Variants in CNBD1 observed in about 807,000 individuals in gnomAD.
CNBD1 encodes cyclic nucleotide binding domain containing 1.
A neutral mutation model predicts 54.4 loss-of-function variants in CNBD1; 71 were observed. That is an observed-to-expected ratio of 1.30 (90% confidence interval 1.08 to 1.59). The LOEUF (loss-of-function observed/expected upper bound fraction) is 1.59, where lower values mean the gene tolerates loss of function less well. CNBD1 is among the 40% of genes most tolerant of loss of function. The pLI is 0.00. For missense variants in CNBD1, 659 were observed against 518.0 expected (o/e 1.27, Z -2.64); for synonymous variants, 182 against 170.7 (o/e 1.07, Z -0.51).
intron 4 of CNBD1, among the ~76,000 whole-genome samples, chr8:87,053,221 T>C (rs914303152): frequency 1.3e-5 from 2 of 152,192 alleles, no homozygotes; most frequent in Non-Finnish European, 2.9e-5. Flanking sequence ...CATAGGGAAC[T>C]TTGAATCATT....
intron 3 of CNBD1, among the ~76,000 whole-genome samples, chr8:86,917,499 T>G (rs1310732408): frequency 6.6e-6 from 1 of 152,146 alleles, no homozygotes; most frequent in Admixed American, 6.5e-5. Flanking sequence ...GTGTCTAGCT[T>G]GCACTGAGGG....
chr8:87,174,884 G>A (rs1444555968), intron 4 of CNBD1, among the ~76,000 whole-genome samples: 2 of 152,168 alleles, frequency 1.3e-5, no homozygotes, highest in African/African-American at 4.8e-5. Context: ...GGATTCCCAG[G>A]CAGACTCTTG....
intron 2 of CNBD1, among the ~76,000 whole-genome samples, chr8:87,404,313 T>C (rs1357783156): frequency 6.6e-6 from 1 of 152,090 alleles, no homozygotes; most frequent in Admixed American, 6.6e-5. Context: ...CAAAAGTGAT[T>C]GGTCATCACT....
intron 4 of CNBD1, among the ~76,000 whole-genome samples, chr8:86,994,148 C>T (rs1441841851): frequency 6.6e-6 from 1 of 152,238 alleles, no homozygotes; most frequent in Non-Finnish European, 1.5e-5. Flanking sequence ...AATCTTTGCT[C>T]AGCATTCCCA....
intron 4 of CNBD1, among the ~76,000 whole-genome samples, chr8:86,960,594 G>T (rs547188062): frequency 6.6e-6 from 1 of 152,298 alleles, no homozygotes; most frequent in East Asian, 1.9e-4. Flanking sequence ...AGAAACTTCT[G>T]CAGACTTAAA....
intron 8 of CNBD1, among the ~76,000 whole-genome samples, chr8:87,345,637 A>C (rs1246604727): frequency 6.6e-6 from 1 of 152,224 alleles, no homozygotes; most frequent in East Asian, 1.9e-4. Flanking sequence ...GAGAAGTATC[A>C]CTTAAATGGT....
At chr8:87,238,765 T>C (rs762540781) in intron 6 of CNBD1, among the ~76,000 whole-genome samples, 21 of 152,262 alleles carry the variant, frequency 1.4e-4, no homozygotes, top group South Asian at 2.1e-4. Context: ...TTCTGCCCTC[T>C]AACTGTTGAA....
chr8:87,352,980 T>A (rs907116365), intron 9 of CNBD1, among the ~76,000 whole-genome samples: 1 of 152,146 alleles, frequency 6.6e-6, no homozygotes, highest in Non-Finnish European at 1.5e-5. Flanking sequence ...CTTTTATATA[T>A]CTTAGTGGTC....
At chr8:87,293,945 AG>A (rs1349997161) in intron 8 of CNBD1, among the ~76,000 whole-genome samples, 1 of 152,238 alleles carries the variant, frequency 6.6e-6, no homozygotes, top group Non-Finnish European at 1.5e-5. Context: ...TTGGGAGATC[AG>A]TCAGACTTTC....
In CNBD1 at chr8:87,229,248, T is replaced by C. The variant is rs533558740; in HGVS notation, c.578-7671T>C. Among the ~76,000 whole-genome samples, 87 of 152,170 alleles carry C rather than the reference T, an allele frequency of 5.7e-4. 1 individual carries two copies. The highest frequency in any genetic ancestry group is 1.8e-3 in the African/African-American group (74 of 41,532). On this transcript the variant is annotated intron_variant, in intron 5 of 10. Coordinates refer to ENST00000518476, the MANE Select transcript of CNBD1 (RefSeq NM_173538.3). ...GCTGGGAGCTGTAGACCGCAGCTGT[T>C]CCTATTCGGCCATCTTGGCTCCTCC...
intron 6 of CNBD1, among the ~76,000 whole-genome samples, chr8:87,281,158 A>G (rs752820834): frequency 4.6e-5 from 7 of 151,666 alleles, no homozygotes; most frequent in Non-Finnish European, 8.9e-5. Context: ...TATTTTATGT[A>G]TATTTTTAAA....
At chr8:87,418,246 G>T (rs188468502) in intron 2 of CNBD1, among the ~76,000 whole-genome samples, 5 of 151,962 alleles carry the variant, frequency 3.3e-5, no homozygotes, top group Middle Eastern at 3.4e-3. Context: ...CACATTTATG[G>T]TCAATTGATT....
intron 4 of CNBD1, among the ~76,000 whole-genome samples, chr8:86,940,284 A>C (rs1385043884): frequency 1.3e-5 from 2 of 151,916 alleles, no homozygotes; most frequent in Non-Finnish European, 2.9e-5. Context: ...CTCCTGCCTC[A>C]GCCCCCCAAG....
intron 1 of CNBD1, among the ~76,000 whole-genome samples, chr8:86,873,059 C>T (rs1048188721): frequency 1.3e-5 from 2 of 151,638 alleles, no homozygotes; most frequent in African/African-American, 4.8e-5. Flanking sequence ...GCCTGAGCAA[C>T]AGCACAAGGC....
At chr8:87,291,654 G>A (rs1179097440) in intron 8 of CNBD1, among the ~76,000 whole-genome samples, 1 of 151,974 alleles carries the variant, frequency 6.6e-6, no homozygotes, top group Admixed American at 6.6e-5. Context: ...ATTTTTTGGG[G>A]TGAGGGGGCA....
intron 4 of CNBD1, among the ~76,000 whole-genome samples, chr8:87,023,289 GT>G (rs34796599): frequency 0.71 from 108,111 of 152,062 alleles, 39,061 homozygotes; most frequent in African/African-American, 0.82. Flanking sequence ...ATGGAACACA[GT>G]TAACAAGTTA....
chr8:87,108,088 G>A (rs1811579366), intron 4 of CNBD1, among the ~76,000 whole-genome samples: 1 of 152,012 alleles, frequency 6.6e-6, no homozygotes, highest in Admixed American at 6.6e-5. Flanking sequence ...CTCCATTAAT[G>A]ACATGATAGT....
chr8:87,125,354 G>A (rs1207592695), intron 4 of CNBD1, among the ~76,000 whole-genome samples: 1 of 151,686 alleles, frequency 6.6e-6, no homozygotes, highest in Non-Finnish European at 1.5e-5. Flanking sequence ...CAAAGTGGAG[G>A]CATCACACTT....
In CNBD1 at chr8:87,051,991, C is replaced by T. The variant is rs1810320308; in HGVS notation, c.431+112237C>T. On this transcript the variant is annotated intron_variant, in intron 4 of 10. Coordinates refer to ENST00000518476, the MANE Select transcript of CNBD1 (RefSeq NM_173538.3). ...CAGGGACAGTCCAACCTCCAGTGGT[C>T]CCCACCACAAGCTAGATAGGGTCAA... Among the ~76,000 whole-genome samples the T allele has an allele frequency of 2.0e-5, 3 of 152,168 alleles. No homozygotes were observed. The South Asian group carries it at 6.2e-4, about 32-fold the overall frequency.
Sources: gnomAD v4.1 joint callset for allele counts (sites outside exome capture counted in the v4.1 genomes callset) on GRCh38, gnomAD v4.1.1 for gene constraint, MANE v1.5 for transcripts, NCBI Gene and HGNC (gene_info 2026-07-23, HGNC 2026-07-21) for gene names.